ARB2A: variants seen among roughly 807,000 people sequenced by gnomAD.
ARB2A encodes cotranscriptional regulator ARB2A.
chr5:94,042,005 T>C, the ARB2A span, among the ~76,000 whole-genome samples: 2 of 152,206 alleles, frequency 1.3e-5, no homozygotes, highest in Non-Finnish European at 2.9e-5. Flanking sequence ...GAAACAGTTC[T>C]ACACGCAAGG....
At chr5:93,948,262 A>G in the ARB2A span, among the ~76,000 whole-genome samples, 1 of 152,206 alleles carries the variant, frequency 6.6e-6, no homozygotes, top group Non-Finnish European at 1.5e-5. Context: ...TCTGATGGCC[A>G]GTGATGATGA....
the ARB2A span, among the ~76,000 whole-genome samples, chr5:94,035,230 C>CATATAT: frequency 6.6e-6 from 1 of 151,248 alleles, no homozygotes; most frequent in Non-Finnish European, 1.5e-5. Flanking sequence ...TATACATATA[C>CATATAT]ATATACATAT....
chr5:93,697,673 T>C, the ARB2A span, among the ~76,000 whole-genome samples: 2 of 152,198 alleles, frequency 1.3e-5, no homozygotes, highest in African/African-American at 2.4e-5. Context: ...ATAAATCACA[T>C]TGTTTCTTAC....
chr5:93,998,762 T>C, the ARB2A span, among the ~76,000 whole-genome samples: 11 of 152,038 alleles, frequency 7.2e-5, no homozygotes, highest in South Asian at 2.1e-4. Context: ...ATATACAATA[T>C]GCTTGTGTTT....
chr5:93,728,793 TTTGTCTTG>T, the ARB2A span, among the ~76,000 whole-genome samples: 1 of 152,140 alleles, frequency 6.6e-6, no homozygotes, highest in African/African-American at 2.4e-5. Flanking sequence ...AGAATTATTT[TTTGTCTTG>T]AATGACAACA....
chr5:94,022,302 T>C, the ARB2A span, among the ~76,000 whole-genome samples: 2 of 152,172 alleles, frequency 1.3e-5, no homozygotes, highest in Non-Finnish European at 2.9e-5. Context: ...GTTCATAAAG[T>C]GTATGGACAC....
chr5:93,647,493 T>C, the ARB2A span, among the ~76,000 whole-genome samples: 1 of 152,018 alleles, frequency 6.6e-6, no homozygotes, highest in Admixed American at 6.6e-5. Context: ...CCCGAAGTGC[T>C]GGGGTTATAG....
chr5:94,000,687 G>C, the ARB2A span, among the ~76,000 whole-genome samples: 1 of 151,586 alleles, frequency 6.6e-6, no homozygotes, highest in Non-Finnish European at 1.5e-5. Context: ...TTTCTTTCAC[G>C]GACTATACCT....
At chr5:94,010,170 TA>T in the ARB2A span, among the ~76,000 whole-genome samples, 1 of 152,138 alleles carries the variant, frequency 6.6e-6, no homozygotes, top group South Asian at 2.1e-4. Context: ...ACTTTTTTAA[TA>T]AAAAACTTTA....
At chr5:93,740,677 A>C in the ARB2A span, 1 of 1,613,924 alleles carries the variant, frequency 6.2e-7, no homozygotes, top group Non-Finnish European at 8.5e-7. Context: ...TGGGAGCCCC[A>C]GTCCCAGGTG....
At chr5:93,822,090 C>T in the ARB2A span, among the ~76,000 whole-genome samples, 1 of 152,148 alleles carries the variant, frequency 6.6e-6, no homozygotes, top group African/African-American at 2.4e-5. Flanking sequence ...ACTACAGAAG[C>T]TGACCCTTAC....
At chr5:93,714,644 G>A in the ARB2A span, among the ~76,000 whole-genome samples, 1 of 152,090 alleles carries the variant, frequency 6.6e-6, no homozygotes. Flanking sequence ...TGTCACTGGA[G>A]TGCATTAAGA....
the ARB2A span, among the ~76,000 whole-genome samples, chr5:94,092,431 T>C: frequency 1.3e-5 from 2 of 152,348 alleles, no homozygotes; most frequent in South Asian, 4.1e-4. Flanking sequence ...TTGGATAGCA[T>C]GGTTCCTGAT....
the ARB2A span, among the ~76,000 whole-genome samples, chr5:93,756,258 C>T: frequency 6.6e-6 from 1 of 152,188 alleles, no homozygotes; most frequent in African/African-American, 2.4e-5. Context: ...ACATGCCTAA[C>T]CCTGCCCCCA....
the ARB2A span, among the ~76,000 whole-genome samples, chr5:93,755,449 G>A: frequency 1.3e-5 from 2 of 152,192 alleles, no homozygotes; most frequent in Non-Finnish European, 2.9e-5. Context: ...GGCTTGCATT[G>A]TGAATTCTAG....
chr5:93,855,738 T>C, the ARB2A span, among the ~76,000 whole-genome samples: 1 of 152,144 alleles, frequency 6.6e-6, no homozygotes, highest in East Asian at 1.9e-4. Context: ...GGCTGGATAT[T>C]AAATTCTGGG....
the ARB2A span, among the ~76,000 whole-genome samples, chr5:93,946,995 T>G: frequency 2.0e-5 from 3 of 152,312 alleles, no homozygotes; most frequent in Non-Finnish European, 2.9e-5. Context: ...CTTTTTAATG[T>G]CATATTTTTT....
chr5:93,905,307 C>G, the ARB2A span, among the ~76,000 whole-genome samples: 4 of 151,472 alleles, frequency 2.6e-5, no homozygotes, highest in African/African-American at 7.3e-5. Flanking sequence ...AGTAGTTAAA[C>G]AAATAAATTG....
At chr5:93,885,903 A>C in the ARB2A span, among the ~76,000 whole-genome samples, 14 of 151,872 alleles carry the variant, frequency 9.2e-5, no homozygotes, top group East Asian at 2.5e-3. Flanking sequence ...ACTAATAAAT[A>C]ATAAATCATT....
Sources: allele counts gnomAD v4.1 joint callset (sites outside exome capture counted in the v4.1 genomes callset), GRCh38; gene constraint gnomAD v4.1.1; transcripts MANE v1.5; gene names NCBI Gene and HGNC (gene_info 2026-07-23, HGNC 2026-07-21).